Variants in SAMD4B observed in about 807,000 individuals in gnomAD.
The protein encoded by SAMD4B is sterile alpha motif domain containing 4B.
In SAMD4B, 5 loss-of-function variants were observed where a neutral mutation model predicts 74.5. The observed-to-expected ratio is 0.07, with a 90% CI of 0.04 to 0.14. The LOEUF (loss-of-function observed/expected upper bound fraction) is 0.14. SAMD4B is among the 10% of genes least tolerant of loss of function. The pLI is 1.00. For missense variants in SAMD4B, 608 were observed against 921.8 expected (o/e 0.66, Z 4.41); for synonymous variants, 373 against 374.9 (o/e 1.00, Z 0.06).
In SAMD4B at chr19:39,342,545, G is replaced by A. The variant is rs920061147; in HGVS notation, c.-298G>A. The A allele has an allele frequency of 1.8e-5, 3 of 163,274 alleles. No homozygotes were observed. In the South Asian group the frequency reaches 5.2e-4, roughly 28 times the overall value. The allele number at this position is 163,274 out of a possible 1,614,324, so 10.1% of individuals were successfully genotyped here. ...CGGCGGCGGTGGCCTGAGGAGGCCCGAGCGGCGGCGGTGGCGGCGAAGGCC... is the reference window on the plus strand; with the variant it reads ...CGGCGGCGGTGGCCTGAGGAGGCCCAAGCGGCGGCGGTGGCGGCGAAGGCC... On this transcript the variant is annotated 5_prime_UTR_variant, in exon 1 of 14. Transcript: ENST00000610417.
In SAMD4B at chr19:39,378,850, G is replaced by A. The variant is rs754844614; in HGVS notation, c.1530+261G>A. Among the ~76,000 whole-genome samples, 1 of 152,222 alleles carries A rather than the reference G, an allele frequency of 6.6e-6. No individual in the cohort carries two copies. Among genetic ancestry groups the A allele is most frequent in the Non-Finnish European group, 1.5e-5 (1 of 68,038 alleles). On this transcript the variant is annotated intron_variant, in intron 9 of 13. Coordinates refer to ENST00000610417, the MANE Select transcript of SAMD4B (RefSeq NM_001384574.2). The surrounding 1 kb of genome is among the most constrained non-coding windows in gnomAD (Gnocchi z 4.4). Reference sequence around the variant, plus strand: ...ACCCGGCAGGTGGAGCTTGTGGTGAGCCAAGATCGCGCCACTGCACTCCAG... The same window carrying A: ...ACCCGGCAGGTGGAGCTTGTGGTGAACCAAGATCGCGCCACTGCACTCCAG...
intron 3 of SAMD4B, among the ~76,000 whole-genome samples, chr19:39,358,728 T>G (rs2076480145): frequency 6.6e-6 from 1 of 152,198 alleles, no homozygotes; most frequent in African/African-American, 2.4e-5. Flanking sequence ...AAACAATAAC[T>G]GTCAGTTGTT....
chr19:39,374,299 T>A (rs2077475334), intron 4 of SAMD4B, among the ~76,000 whole-genome samples: 1 of 151,708 alleles, frequency 6.6e-6, no homozygotes, highest in African/African-American at 2.4e-5. Context: ...TTTGCCAACC[T>A]CAGACTTGGG....
chr19:39,389,905 G>A (rs2078336321), downstream of SAMD4B: 6 of 1,192,120 alleles, frequency 5.0e-6, no homozygotes, highest in South Asian at 1.3e-5. This position sits in a 1 kb window ranked among gnomAD's most constrained non-coding sequence, Gnocchi z 5.3. Context: ...TCCCCAGTGG[G>A]AAGGGACTTG....
intron 3 of SAMD4B, 177 bp from the exon 4 acceptor site, chr19:39,369,478 A>G (rs917374210): frequency 3.3e-6 from 2 of 605,602 alleles, no homozygotes; most frequent in Admixed American, 6.0e-5. Flanking sequence ...ATTACTCCAG[A>G]GGCAGGGTCA....
At chr19:39,388,792 G>A (rs768865344), downstream of SAMD4B, 14 of 1,614,054 alleles carry the variant, frequency 8.7e-6, no homozygotes, top group East Asian at 2.2e-5. Flanking sequence ...CATCTCCAAC[G>A]CAGCTGCACC....
At chr19:39,353,459 A>G (rs2076166265) in intron 1 of SAMD4B, among the ~76,000 whole-genome samples, 1 of 152,174 alleles carries the variant, frequency 6.6e-6, no homozygotes, top group Admixed American at 6.5e-5. Flanking sequence ...ATAAATATTC[A>G]TATATAAGAT....
At chr19:39,357,627 A>G (rs1478478899) in intron 3 of SAMD4B, among the ~76,000 whole-genome samples, 5 of 152,172 alleles carry the variant, frequency 3.3e-5, no homozygotes, top group Non-Finnish European at 7.3e-5. Context: ...TGAGATTGGC[A>G]TTGGGATGGG....
In SAMD4B at chr19:39,342,441, G is replaced by C. The variant is rs2075353340; in HGVS notation, c.-402G>C. On this transcript the variant is annotated 5_prime_UTR_variant, in exon 1 of 14. Coordinates refer to ENST00000610417, the MANE Select transcript of SAMD4B (RefSeq NM_001384574.2). ...GACGCACGGCGCGGTGACGCAGCGC[G>C]ACGGCGGCGGCGGCGGCGGCGGCGG... The C allele has an allele frequency of 5.6e-6, 1 of 179,494 alleles. No homozygotes were observed. Among genetic ancestry groups the C allele is most frequent in the South Asian group, 1.7e-4 (1 of 6,010 alleles). 11.1% of individuals were successfully genotyped at this position (179,494 alleles called of 1,614,324 possible). A position where few individuals can be genotyped will look rare whatever the true frequency, so the allele number is the denominator to read the frequency against.
chr19:39,359,249 G>A (rs1398270457), intron 3 of SAMD4B, among the ~76,000 whole-genome samples: 2 of 152,184 alleles, frequency 1.3e-5, no homozygotes, highest in Non-Finnish European at 2.9e-5. Flanking sequence ...CAGGCAGTTG[G>A]ATTACCTCTG....
At chr19:39,381,363 A>T (rs2077974411) in intron 12 of SAMD4B, 2 of 422,272 alleles carry the variant, frequency 4.7e-6, no homozygotes, top group African/African-American at 4.1e-5. Context: ...ACCCCATCTC[A>T]TGTTTCCCAC....
intron 3 of SAMD4B, among the ~76,000 whole-genome samples, 176 bp downstream of exon 3, chr19:39,357,265 C>A (rs2076387088): frequency 6.6e-6 from 1 of 152,102 alleles, no homozygotes; most frequent in South Asian, 2.1e-4. Context: ...ACTGTGTTGC[C>A]ATAAATCCTC....
At chr19:39,351,319 TGGAGGTGGTAGGG>T (rs1249114000) in intron 1 of SAMD4B, 1 of 152,270 alleles carries the variant, frequency 6.6e-6, no homozygotes. Context: ...TTCCCACCTC[TGGAGGTGGTAGGG>T]GCTTCCCAAG....
rs1352471569 is a variant in SAMD4B, at chr19:39,383,065, T to C, written c.1973-143T>C. The C allele has an allele frequency of 9.8e-6, 7 of 716,120 alleles. No individual in the cohort carries two copies. The highest frequency in any genetic ancestry group is 1.8e-5 in the Non-Finnish European group (7 of 390,664). The allele number at this position is 716,120 out of a possible 1,614,324, so 44.4% of individuals were successfully genotyped here. On this transcript the variant is annotated intron_variant, in intron 12 of 13. Transcript: ENST00000610417. This position sits in a 1 kb window ranked among gnomAD's most constrained non-coding sequence, Gnocchi z 4.1. Reference sequence around the variant, plus strand: ...CTGTTGTGTGACACGCTCGCCTCTCTCCCTGTCCACCTCCTCCCGTTCTTC... The same window carrying C: ...CTGTTGTGTGACACGCTCGCCTCTCCCCCTGTCCACCTCCTCCCGTTCTTC...
At chr19:39,357,591 G>C (rs1245309833) in intron 3 of SAMD4B, among the ~76,000 whole-genome samples, 1 of 152,202 alleles carries the variant, frequency 6.6e-6, no homozygotes, top group South Asian at 2.1e-4. Context: ...AGTTCCCTAA[G>C]TACTTATTAG....
intron 4 of SAMD4B, among the ~76,000 whole-genome samples, chr19:39,373,241 G>A (rs946675491): frequency 2.6e-5 from 4 of 152,302 alleles, no homozygotes; most frequent in Admixed American, 2.0e-4. Flanking sequence ...GGTGAGGCTC[G>A]TTGGCTTTGT....
downstream of SAMD4B, among the ~76,000 whole-genome samples, chr19:39,387,714 T>G (rs971804004): frequency 6.6e-6 from 1 of 152,230 alleles, no homozygotes; most frequent in South Asian, 2.1e-4. Flanking sequence ...AAGCATTTCA[T>G]TTAAAACATT....
intron 3 of SAMD4B, among the ~76,000 whole-genome samples, chr19:39,368,973 G>A (rs2077134574): frequency 6.6e-6 from 1 of 152,178 alleles, no homozygotes; most frequent in Non-Finnish European, 1.5e-5. Flanking sequence ...CTGCTTTTTG[G>A]CAGGGGAAAT....
chr19:39,342,683 C>G (rs1307232550), intron 1 of SAMD4B, 107 bp downstream of exon 1: 1 of 149,018 alleles, frequency 6.7e-6, no homozygotes, highest in Non-Finnish European at 1.5e-5. Context: ...TCAGGGACCC[C>G]GAACCGCGGG....
Sources: gnomAD v4.1 joint callset for allele counts (sites outside exome capture counted in the v4.1 genomes callset) on GRCh38, gnomAD v4.1.1 for gene constraint, Gnocchi (gnomAD v3.1) non-coding constraint, MANE v1.5 for transcripts, NCBI Gene and HGNC (gene_info 2026-07-23, HGNC 2026-07-21) for gene names.